Variants in PTCHD4 observed in about 807,000 individuals in gnomAD.
PTCHD4 encodes patched domain containing 4.
PTCHD4 carries 33 observed loss-of-function variants against 58.1 expected under a neutral mutation model. The ratio of observed to expected loss-of-function variants is 0.57; its 90% CI spans 0.43 to 0.76. The LOEUF (loss-of-function observed/expected upper bound fraction) is 0.76. Ranked by LOEUF, PTCHD4 falls within the 30% of genes least tolerant of loss-of-function variation. PTCHD4 has a pLI of 0.00. For missense variants in PTCHD4, 1,058 were observed against 1,027.1 expected, an observed-to-expected ratio of 1.03 and a Z score of -0.41; for synonymous variants, 478 against 409.6, an observed-to-expected ratio of 1.17 and a Z score of -2.02.
At position 48,068,735 on chromosome 6, in the gene PTCHD4, G is replaced by T. The variant is rs1278700089; in HGVS notation, c.6-94C>A. On this transcript the variant is annotated intron_variant, in intron 2 of 4. Coordinates refer to ENST00000339488, the MANE Select transcript of PTCHD4 (RefSeq NM_001384253.1). The surrounding 1 kb of genome is among the most constrained non-coding windows in gnomAD (Gnocchi z 4.2). ...CCAGTCCCCCCTCCCCACCGCCGCC[G>T]CCTCCCCACCCACTCCGCGCTCACC... The T allele has an allele frequency of 8.6e-7, 1 of 1,158,120 alleles. No homozygotes were observed. Among genetic ancestry groups the T allele is most frequent in the Non-Finnish European group, 1.1e-6 (1 of 887,576 alleles). The allele number at this position is 1,158,120 out of a possible 1,614,324, so 71.7% of individuals were successfully genotyped here. A position where few individuals can be genotyped will look rare whatever the true frequency, so the allele number is the denominator to read the frequency against.
chr6:47,933,531 A>T (rs1349568832), intron 4 of PTCHD4, among the ~76,000 whole-genome samples: 1 of 152,228 alleles, frequency 6.6e-6, no homozygotes, highest in Non-Finnish European at 1.5e-5. Context: ...GGAACCAAAA[A>T]CATTTTAAGT....
At chr6:47,959,834 A>G (rs566856878) in intron 4 of PTCHD4, among the ~76,000 whole-genome samples, 23 of 151,858 alleles carry the variant, frequency 1.5e-4, no homozygotes, top group Non-Finnish European at 2.4e-4. Context: ...GAAGAGGAAA[A>G]GGACAAGAAA....
intron 4 of PTCHD4, among the ~76,000 whole-genome samples, chr6:48,005,759 A>G (rs12197675): frequency 0.12 from 18,747 of 152,254 alleles, 1,506 homozygotes; most frequent in South Asian, 0.2. Flanking sequence ...ATTTTTATAA[A>G]GGATTAAATA....
intron 3 of PTCHD4, among the ~76,000 whole-genome samples, chr6:48,057,194 T>G (rs1486782531): frequency 1.3e-5 from 2 of 151,752 alleles, no homozygotes; most frequent in South Asian, 2.1e-4. Flanking sequence ...TTTTTTGTTT[T>G]TTTTGTTTTT....
chr6:48,033,567 A>G (rs538374383), intron 3 of PTCHD4, among the ~76,000 whole-genome samples: 93 of 151,900 alleles, frequency 6.1e-4, no homozygotes, highest in Non-Finnish European at 1.2e-3. Flanking sequence ...GGCCATATGT[A>G]TGGCCTTTTT....
intron 4 of PTCHD4, among the ~76,000 whole-genome samples, chr6:47,914,357 T>TG (rs1765164747): frequency 6.6e-6 from 1 of 152,072 alleles, no homozygotes; most frequent in Non-Finnish European, 1.5e-5. Context: ...ATTAGTACAC[T>TG]GGGTAAAGCC....
intron 4 of PTCHD4, chr6:47,901,539 C>T (rs1021676052): frequency 1.0e-6 from 1 of 993,384 alleles, no homozygotes; most frequent in Non-Finnish European, 1.2e-6. Flanking sequence ...AATTTATTTT[C>T]ATCACTAAAC....
intron 4 of PTCHD4, among the ~76,000 whole-genome samples, chr6:47,975,624 C>T (rs1315225973): frequency 2.0e-5 from 3 of 152,114 alleles, no homozygotes; most frequent in Non-Finnish European, 4.4e-5. Context: ...GTCTTCCTTC[C>T]CCCATGCATC....
intron 3 of PTCHD4, 30 bp from the exon 4 acceptor site, chr6:48,009,144 T>G: frequency 6.4e-7 from 1 of 1,567,090 alleles, no homozygotes; most frequent in Non-Finnish European, 8.6e-7. Context: ...GAGACTTCAG[T>G]TACGGATGTA....
chr6:47,930,230 C>T lies in PTCHD4; in HGVS notation c.899-50294G>A, dbSNP rs1765766143. 2.0e-5 allele frequency among the ~76,000 whole-genome samples: 3 copies of T among 152,162 alleles called. No homozygotes were observed. The East Asian group carries it at 5.8e-4, about 29-fold the overall frequency. On this transcript the variant is annotated intron_variant, in intron 4 of 4. Transcript: ENST00000339488. ...AAGGGTAAAAAAGGTGGGTATTTTA[C>T]AGACACATAACAATGTCTTACACCT...
intron 4 of PTCHD4, among the ~76,000 whole-genome samples, chr6:47,994,012 G>T (rs1768379663): frequency 6.6e-6 from 1 of 152,172 alleles, no homozygotes; most frequent in Non-Finnish European, 1.5e-5. Context: ...TAGATATGGA[G>T]CAGAGGCTGC....
chr6:48,019,745 A>T (rs555610258), intron 3 of PTCHD4, among the ~76,000 whole-genome samples: 3 of 151,130 alleles, frequency 2.0e-5, no homozygotes, highest in East Asian at 1.9e-4. Flanking sequence ...CAAAAAAAAA[A>T]AAAATAATAA....
chr6:47,901,786 T>C lies in PTCHD4; in HGVS notation c.899-21850A>G, dbSNP rs867096810. The C allele has an allele frequency of 3.8e-5, 47 of 1,246,476 alleles. No homozygotes were observed. In the Middle Eastern group the frequency reaches 1.9e-3, roughly 52 times the overall value. 77.2% of individuals were successfully genotyped at this position (1,246,476 alleles called of 1,614,324 possible). A position where few individuals can be genotyped will look rare whatever the true frequency, so the allele number is the denominator to read the frequency against. On this transcript the variant is annotated intron_variant, in intron 4 of 4. Coordinates refer to ENST00000339488, the MANE Select transcript of PTCHD4 (RefSeq NM_001384253.1). ...GTGATGATGATGATGATGACGATGA[T>C]GATGATTTTATTGTATCCTAGGAGT...
chr6:47,944,260 C>T (rs1766338281), intron 4 of PTCHD4, among the ~76,000 whole-genome samples: 1 of 152,064 alleles, frequency 6.6e-6, no homozygotes, highest in African/African-American at 2.4e-5. Flanking sequence ...GATTAAAAAT[C>T]CAAGTGTTGC....
intron 4 of PTCHD4, among the ~76,000 whole-genome samples, chr6:47,957,744 G>A (rs1188800788): frequency 2.0e-5 from 3 of 151,586 alleles, no homozygotes; most frequent in Non-Finnish European, 2.9e-5. Context: ...GGGACTATAG[G>A]TGCCCACCAC....
At chr6:48,015,246 C>A (rs561934633) in intron 3 of PTCHD4, among the ~76,000 whole-genome samples, 3 of 151,964 alleles carry the variant, frequency 2.0e-5, no homozygotes, top group Non-Finnish European at 4.4e-5. Context: ...GCTCATATCC[C>A]TGTGTACACT....
chr6:47,890,126 T>A (rs1473176128), intron 4 of PTCHD4, among the ~76,000 whole-genome samples: 2 of 151,864 alleles, frequency 1.3e-5, no homozygotes, highest in Non-Finnish European at 2.9e-5. Context: ...GCATATATAG[T>A]ATATGTGTGT....
intron 4 of PTCHD4, among the ~76,000 whole-genome samples, chr6:47,954,085 G>A (rs967181588): frequency 1.2e-4 from 18 of 152,196 alleles, no homozygotes; most frequent in Middle Eastern, 3.4e-3. Context: ...AGGTCAGTGC[G>A]GTGGCTCACA....
intron 4 of PTCHD4, among the ~76,000 whole-genome samples, chr6:47,985,275 G>T (rs1364588000): frequency 6.6e-6 from 1 of 151,716 alleles, no homozygotes; most frequent in Non-Finnish European, 1.5e-5. Context: ...TGAAAAAAAA[G>T]GCCACACAGC....
Sources: allele counts gnomAD v4.1 joint callset (sites outside exome capture counted in the v4.1 genomes callset), GRCh38; gene constraint gnomAD v4.1.1; non-coding constraint Gnocchi (gnomAD v3.1); transcripts MANE v1.5; gene names NCBI Gene and HGNC (gene_info 2026-07-23, HGNC 2026-07-21).